Variants in SDK1 observed in about 807,000 individuals in gnomAD.
The protein encoded by SDK1 is sidekick cell adhesion molecule 1.
A neutral mutation model predicts 245.5 loss-of-function variants in SDK1; 157 were observed. The ratio of observed to expected loss-of-function variants is 0.64; its 90% confidence interval spans 0.56 to 0.73. SDK1 has a LOEUF of 0.73. SDK1 is among the 30% of genes least tolerant of loss of function. SDK1 has a pLI of 0.00. For synonymous variants in SDK1, 1,647 were observed against 1,278.5 expected (o/e 1.29, Z -6.15); for missense variants, 3,583 against 3,002.3 (o/e 1.19, Z -4.52).
At chr7:3,770,429 A>G (rs973894631) in intron 4 of SDK1, among the ~76,000 whole-genome samples, 1 of 152,214 alleles carries the variant, frequency 6.6e-6, no homozygotes, top group African/African-American at 2.4e-5. Flanking sequence ...AGGTTTTTAC[A>G]TAAACATAAG....
At chr7:4,094,323 A>G (rs1410081858) in intron 22 of SDK1, among the ~76,000 whole-genome samples, 2 of 152,052 alleles carry the variant, frequency 1.3e-5, no homozygotes, top group Non-Finnish European at 2.9e-5. Flanking sequence ...CGGCCTCCCA[A>G]AGTGCTGGTA....
At chr7:3,662,453 A>G (rs1783395753) in intron 4 of SDK1, among the ~76,000 whole-genome samples, 2 of 152,144 alleles carry the variant, frequency 1.3e-5, no homozygotes, top group African/African-American at 4.8e-5. Flanking sequence ...CCATGACTGT[A>G]GACAACTCTC....
At chr7:3,354,336 A>G (rs1464056121) in intron 1 of SDK1, among the ~76,000 whole-genome samples, 1 of 152,128 alleles carries the variant, frequency 6.6e-6, no homozygotes. Flanking sequence ...AACGGAAAAA[A>G]AAAACAGGGA....
chr7:3,533,734 C>T (rs73303068), intron 1 of SDK1, among the ~76,000 whole-genome samples: 1 of 152,010 alleles, frequency 6.6e-6, no homozygotes, highest in Non-Finnish European at 1.5e-5. Context: ...GATTGATCTT[C>T]CTGTTTTCAT....
intron 14 of SDK1, among the ~76,000 whole-genome samples, chr7:4,000,483 C>T (rs1406522172): frequency 6.6e-6 from 1 of 152,146 alleles, no homozygotes; most frequent in Non-Finnish European, 1.5e-5. Flanking sequence ...GTTCTTCCTC[C>T]ACAAAGAGAA....
chr7:3,381,259 C>T (rs1049580264), intron 1 of SDK1, among the ~76,000 whole-genome samples: 4 of 152,056 alleles, frequency 2.6e-5, no homozygotes, highest in Non-Finnish European at 5.9e-5. Flanking sequence ...GGGTGTGGAC[C>T]AGTGGTACAC....
intron 5 of SDK1, among the ~76,000 whole-genome samples, chr7:3,829,507 C>G (rs949921762): frequency 6.6e-6 from 1 of 152,106 alleles, no homozygotes; most frequent in African/African-American, 2.4e-5. Flanking sequence ...ATTATTGACC[C>G]AGATCACAAG....
rs1453702152 is a variant in SDK1 at position 4,221,317 on chromosome 7, C to G, written c.5780C>G (p.Ser1927Cys). ...ELTLQWTEGH[S>C]GDTPTTGYVI... ...ACGCTGCAGTGGACTGAGGGACACT[C>G]TGGCGACACACCTACCACGGGCTAT... The change falls in exon 40 of 45, where the codon TCT (serine) becomes TGT (cysteine). Residue 1927 changes from serine (S) to cysteine (C), a missense_variant. Physicochemically the swap from Ser to Cys is moderately radical, Grantham distance 112 (BLOSUM62 -1). Transcript: ENST00000404826. The G allele has an allele frequency of 1.2e-6, 2 of 1,613,318 alleles. No homozygotes were observed. The highest frequency in any genetic ancestry group is 1.7e-6 in the Non-Finnish European group (2 of 1,179,842).
intron 4 of SDK1, among the ~76,000 whole-genome samples, chr7:3,693,975 C>T (rs1562376370): frequency 6.6e-6 from 1 of 152,162 alleles, no homozygotes; most frequent in Non-Finnish European, 1.5e-5. Context: ...CTCACTCGTC[C>T]CACCTGCATG....
At chr7:3,405,183 C>T (rs58420622) in intron 1 of SDK1, among the ~76,000 whole-genome samples, 7 of 150,224 alleles carry the variant, frequency 4.7e-5, no homozygotes, top group African/African-American at 7.4e-5. Context: ...AAAACAAAAA[C>T]AAAAAACACT....
At chr7:3,712,068 C>T (rs1785065692) in intron 4 of SDK1, among the ~76,000 whole-genome samples, 1 of 152,158 alleles carries the variant, frequency 6.6e-6, no homozygotes, top group East Asian at 1.9e-4. Flanking sequence ...AAATGCTCTA[C>T]AGCAGAGGTC....
intron 1 of SDK1, among the ~76,000 whole-genome samples, chr7:3,329,124 A>G (rs1258571602): frequency 1.3e-5 from 2 of 152,118 alleles, no homozygotes; most frequent in Non-Finnish European, 2.9e-5. Context: ...ATTAATTTAT[A>G]TTTTGTTAAT....
intron 11 of SDK1, 100 bp downstream of exon 11, chr7:3,969,524 A>T: frequency 1.2e-6 from 1 of 835,000 alleles, no homozygotes; most frequent in East Asian, 3.0e-5. Context: ...GGGCTTGCTA[A>T]TTTAATCAAA....
chr7:4,265,494 A>G lies in SDK1; in HGVS notation c.*110A>G. ...AGCTGAAGTTTTTGTTTAAAAAGAAAAAAATCTGATAAGTGATGATTTTAC... is the reference window on the plus strand; with the variant it reads ...AGCTGAAGTTTTTGTTTAAAAAGAAGAAAATCTGATAAGTGATGATTTTAC... On this transcript the variant is annotated 3_prime_UTR_variant, in exon 45 of 45. Transcript: ENST00000404826. The G allele has an allele frequency of 7.3e-7, 1 of 1,371,802 alleles. No homozygotes were observed. The highest frequency in any genetic ancestry group is 9.3e-7 in the Non-Finnish European group (1 of 1,071,054). 85.0% of individuals were successfully genotyped at this position (1,371,802 alleles called of 1,614,324 possible). A position where few individuals can be genotyped will look rare whatever the true frequency, so the allele number is the denominator to read the frequency against.
At chr7:4,053,317 C>T (rs1778997002) in intron 19 of SDK1, among the ~76,000 whole-genome samples, 1 of 151,852 alleles carries the variant, frequency 6.6e-6, no homozygotes, top group Non-Finnish European at 1.5e-5. Context: ...GATTCCTTGC[C>T]TTCCCACTTC....
At chr7:4,013,465 G>C (rs538412523) in intron 16 of SDK1, among the ~76,000 whole-genome samples, 1 of 152,232 alleles carries the variant, frequency 6.6e-6, no homozygotes, top group African/African-American at 2.4e-5. Flanking sequence ...TTCCAAGTGT[G>C]TGATCAGTAA....
At chr7:3,414,331 G>A (rs1033726826) in intron 1 of SDK1, among the ~76,000 whole-genome samples, 2 of 152,104 alleles carry the variant, frequency 1.3e-5, no homozygotes, top group Non-Finnish European at 2.9e-5. Context: ...CCAGCCCACG[G>A]AGGAGGAGAG....
intron 2 of SDK1, among the ~76,000 whole-genome samples, chr7:3,633,083 T>C (rs1782347030): frequency 6.6e-6 from 1 of 152,228 alleles, no homozygotes; most frequent in Non-Finnish European, 1.5e-5. Flanking sequence ...ATATTTTTTT[T>C]TCATTTTAAG....
At chr7:3,589,908 A>G (rs572430246) in intron 1 of SDK1, among the ~76,000 whole-genome samples, 12 of 152,202 alleles carry the variant, frequency 7.9e-5, no homozygotes, top group Non-Finnish European at 1.6e-4. Context: ...AATAAGCAAT[A>G]ACAGATGGAA....
Sources: gnomAD v4.1 joint callset for allele counts (sites outside exome capture counted in the v4.1 genomes callset) on GRCh38, gnomAD v4.1.1 for gene constraint, MANE v1.5 for transcripts, NCBI Gene and HGNC (gene_info 2026-07-23, HGNC 2026-07-21) for gene names.